GALNT10: variants seen among roughly 807,000 people sequenced by gnomAD.
The protein encoded by GALNT10 is GalNAc transferase 10.
GALNT10 carries 41 observed loss-of-function variants against 75.0 expected under a neutral mutation model. The observed-to-expected ratio is 0.55, with a 90% CI of 0.43 to 0.71. The LOEUF (loss-of-function observed/expected upper bound fraction) is 0.71. GALNT10 is among the 30% of genes least tolerant of loss of function. GALNT10 has a pLI of 0.00. For synonymous variants in GALNT10, 302 were observed against 313.0 expected (o/e 0.96, Z 0.37); for missense variants, 727 against 818.5 (o/e 0.89, Z 1.36).
intron 1 of GALNT10, among the ~76,000 whole-genome samples, chr5:154,217,082 A>C (rs531777417): frequency 6.6e-6 from 1 of 152,254 alleles, no homozygotes; most frequent in African/African-American, 2.4e-5. Context: ...CATAAAAATC[A>C]CTCCAGCAGT....
chr5:154,212,845 G>T (rs1752784592), intron 1 of GALNT10, among the ~76,000 whole-genome samples: 1 of 152,186 alleles, frequency 6.6e-6, no homozygotes, highest in Admixed American at 6.5e-5. Context: ...ACAGGTGCCT[G>T]TAGTCCCAGC....
chr5:154,219,404 C>G (rs192914151), intron 1 of GALNT10: 1 of 152,880 alleles, frequency 6.5e-6, no homozygotes, highest in African/African-American at 2.4e-5. Context: ...CCTCCCCTCA[C>G]CTACCCTACA....
At chr5:154,341,807 CCT>C (rs1455488788) in intron 4 of GALNT10, among the ~76,000 whole-genome samples, 1 of 152,144 alleles carries the variant, frequency 6.6e-6, no homozygotes, top group Non-Finnish European at 1.5e-5. Context: ...GACACAAACC[CCT>C]GTGTCCTTGC....
At chr5:154,201,973 C>T (rs865827443) in intron 1 of GALNT10, among the ~76,000 whole-genome samples, 2 of 151,988 alleles carry the variant, frequency 1.3e-5, no homozygotes, top group Middle Eastern at 6.8e-3. Flanking sequence ...GTACAGAATC[C>T]ACCTTGTTTT....
At chr5:154,221,667 T>G (rs765278265) in intron 1 of GALNT10, among the ~76,000 whole-genome samples, 5 of 152,224 alleles carry the variant, frequency 3.3e-5, no homozygotes, top group African/African-American at 1.2e-4. Context: ...TCTCTCAGGC[T>G]CTAAGTATTG....
rs114120877 is a variant in GALNT10 at position 154,219,066 on chromosome 5, G to A, written c.159+28041G>A. Reference sequence around the variant, plus strand: ...GGATAAAATCCAGCTTCTTGCTATGGCTGCTCAGGCCCTGCTGCTCCGGCC... The same window carrying A: ...GGATAAAATCCAGCTTCTTGCTATGACTGCTCAGGCCCTGCTGCTCCGGCC... On this transcript the variant is annotated intron_variant, in intron 1 of 11. Transcript: ENST00000297107. Among the ~76,000 whole-genome samples the A allele has an allele frequency of 3.0e-3, 457 of 152,248 alleles. 1 individual carries two copies. The highest frequency in any genetic ancestry group is 0.01 in the African/African-American group (426 of 41,542).
At chr5:154,375,300 G>A (rs557024231) in intron 4 of GALNT10, among the ~76,000 whole-genome samples, 14 of 152,254 alleles carry the variant, frequency 9.2e-5, no homozygotes, top group East Asian at 7.7e-4. Flanking sequence ...TCCACATTTC[G>A]TCATTAAATA....
At chr5:154,342,603 C>T (rs1217300851) in intron 4 of GALNT10, among the ~76,000 whole-genome samples, 1 of 152,134 alleles carries the variant, frequency 6.6e-6, no homozygotes, top group Non-Finnish European at 1.5e-5. Context: ...ACTAAGTGTG[C>T]TTTGTGATAG....
chr5:154,202,648 G>A (rs1775043556), intron 1 of GALNT10, among the ~76,000 whole-genome samples: 1 of 152,168 alleles, frequency 6.6e-6, no homozygotes, highest in African/African-American at 2.4e-5. Flanking sequence ...GACTCCTCTG[G>A]GCAAGTCTTT....
chr5:154,390,007 C>G (rs1045263022), intron 7 of GALNT10, among the ~76,000 whole-genome samples: 1 of 152,180 alleles, frequency 6.6e-6, no homozygotes, highest in East Asian at 1.9e-4. Context: ...CACACTAGGT[C>G]TGATACAACT....
chr5:154,396,353 C>G (rs1345443827), intron 7 of GALNT10, among the ~76,000 whole-genome samples: 1 of 152,146 alleles, frequency 6.6e-6, no homozygotes, highest in African/African-American at 2.4e-5. Context: ...GGGAGTCCAG[C>G]GGGTATGGAG....
At chr5:154,253,935 G>A (rs1166440077) in intron 1 of GALNT10, among the ~76,000 whole-genome samples, 4 of 152,076 alleles carry the variant, frequency 2.6e-5, no homozygotes, top group South Asian at 2.1e-4. Flanking sequence ...TAGGAGTGAG[G>A]TGGCCCCGTC....
intron 4 of GALNT10, among the ~76,000 whole-genome samples, chr5:154,332,966 C>T (rs1350807864): frequency 6.6e-6 from 1 of 152,190 alleles, no homozygotes; most frequent in East Asian, 1.9e-4. Flanking sequence ...AGCATCTCTC[C>T]TTGTTCAGTT....
At chr5:154,393,075 A>AAAAAAAAAAAC (rs1432597513) in intron 7 of GALNT10, 2 of 150,856 alleles carry the variant, frequency 1.3e-5, no homozygotes, top group African/African-American at 4.9e-5. Flanking sequence ...AAAAAAAAAA[A>AAAAAAAAAAAC]AAACCCATTT....
At chr5:154,362,261 G>A (rs2113156525) in intron 4 of GALNT10, among the ~76,000 whole-genome samples, 1 of 152,304 alleles carries the variant, frequency 6.6e-6, no homozygotes, top group African/African-American at 2.4e-5. Flanking sequence ...GCATCGAGCA[G>A]CTCATACATA....
At chr5:154,348,634 G>T (rs1033126948) in intron 4 of GALNT10, among the ~76,000 whole-genome samples, 1 of 152,142 alleles carries the variant, frequency 6.6e-6, no homozygotes, top group African/African-American at 2.4e-5. Flanking sequence ...TTTGGTTCCA[G>T]CCCTACCAGT....
chr5:154,328,057 G>A (rs79684065), intron 3 of GALNT10, among the ~76,000 whole-genome samples: 2,124 of 145,024 alleles, frequency 0.015, 30 homozygotes, highest in Middle Eastern at 0.028. Flanking sequence ...AAATAGCCCA[G>A]TTTCTTCAAC....
intron 1 of GALNT10, among the ~76,000 whole-genome samples, chr5:154,226,099 A>G (rs13170392): frequency 0.36 from 55,294 of 151,634 alleles, 12,159 homozygotes; most frequent in East Asian, 0.83. Context: ...AGACCTGCGT[A>G]TTGTGCACAT....
intron 4 of GALNT10, among the ~76,000 whole-genome samples, chr5:154,366,102 G>A (rs1264895420): frequency 6.6e-6 from 1 of 152,196 alleles, no homozygotes; most frequent in Non-Finnish European, 1.5e-5. Flanking sequence ...GCTGCTTAGG[G>A]CACTTGAGTT....
Sources: gnomAD v4.1 joint callset for allele counts (sites outside exome capture counted in the v4.1 genomes callset) on GRCh38, gnomAD v4.1.1 for gene constraint, MANE v1.5 for transcripts, NCBI Gene and HGNC (gene_info 2026-07-23, HGNC 2026-07-21) for gene names.